KCNB2: variants seen among roughly 807,000 people sequenced by gnomAD.
KCNB2 encodes the protein delayed rectifier potassium channel protein.
Under a neutral mutation model 61.5 loss-of-function variants are expected in KCNB2, and 15 were observed. That is an observed-to-expected ratio of 0.24 (90% CI 0.16 to 0.38). The LOEUF (loss-of-function observed/expected upper bound fraction) is 0.38, where lower values mean the gene tolerates loss of function less well. Ranked by LOEUF, KCNB2 falls within the 10% of genes least tolerant of loss-of-function variation. KCNB2 has a pLI of 1.00. For synonymous variants in KCNB2, 457 were observed against 446.0 expected (o/e 1.02, Z -0.31); for missense variants, 828 against 1,125.2 (o/e 0.74, Z 3.78).
At chr8:72,813,258 A>G (rs58531179) in intron 2 of KCNB2, among the ~76,000 whole-genome samples, 1 of 152,180 alleles carries the variant, frequency 6.6e-6, no homozygotes, top group Admixed American at 6.5e-5. Context: ...CAAAAGCCCA[A>G]ATGAAGTTAT....
intron 2 of KCNB2, among the ~76,000 whole-genome samples, chr8:72,662,428 C>A (rs1806396616): frequency 6.6e-6 from 1 of 152,120 alleles, no homozygotes; most frequent in Admixed American, 6.5e-5. Context: ...CACGAAATAC[C>A]TAGGTAATGA....
chr8:72,606,063 T>A (rs1805442388), intron 2 of KCNB2, among the ~76,000 whole-genome samples: 1 of 152,170 alleles, frequency 6.6e-6, no homozygotes, highest in African/African-American at 2.4e-5. Context: ...TCAAAGCTGG[T>A]GAGTATACAG....
Position 72,773,187 on chromosome 8 carries a change from G to A in KCNB2, c.580-162748G>A, listed in dbSNP as rs529052426. ...GACAGCACTGCTTAGCATCTGTCGT[G>A]TGAATTATTTGATAGATGAGAATCA... On this transcript the variant is annotated intron_variant, in intron 2 of 2. Coordinates refer to ENST00000523207, the MANE Select transcript of KCNB2 (RefSeq NM_004770.3). Among the ~76,000 whole-genome samples the A allele has an allele frequency of 9.8e-4, 150 of 152,288 alleles. 1 individual carries two copies. The highest frequency in any genetic ancestry group is 1.5e-3 in the Non-Finnish European group (103 of 68,032).
chr8:72,701,684 A>G (rs1433772589), intron 2 of KCNB2, among the ~76,000 whole-genome samples: 1 of 152,208 alleles, frequency 6.6e-6, no homozygotes, highest in African/African-American at 2.4e-5. Context: ...GCATGAGTTC[A>G]AGTGTACAGA....
intron 2 of KCNB2, among the ~76,000 whole-genome samples, chr8:72,735,949 T>C (rs898208088): frequency 1.3e-5 from 2 of 152,174 alleles, no homozygotes; most frequent in African/African-American, 4.8e-5. Flanking sequence ...GACAAGTTGT[T>C]TGATGATTGC....
chr8:72,796,045 A>C (rs1432219260), intron 2 of KCNB2, among the ~76,000 whole-genome samples: 1 of 152,186 alleles, frequency 6.6e-6, no homozygotes, highest in Non-Finnish European at 1.5e-5. Flanking sequence ...CAATAAAGTA[A>C]AGCTCCTTTC....
intron 2 of KCNB2, among the ~76,000 whole-genome samples, chr8:72,594,030 A>G (rs894512788): frequency 1.2e-4 from 18 of 152,208 alleles, no homozygotes; most frequent in African/African-American, 4.1e-4. Context: ...ATATTATGCT[A>G]GATACCGTAA....
chr8:72,859,204 T>C (rs1810254952), intron 2 of KCNB2, among the ~76,000 whole-genome samples: 1 of 152,130 alleles, frequency 6.6e-6, no homozygotes, highest in African/African-American at 2.4e-5. Context: ...CTGTGGTTAT[T>C]GGCATCTCAC....
intron 2 of KCNB2, among the ~76,000 whole-genome samples, chr8:72,713,352 A>G (rs906362058): frequency 3.9e-5 from 6 of 152,234 alleles, no homozygotes; most frequent in Admixed American, 6.5e-5. Flanking sequence ...GAGAACGGGC[A>G]GACTGCCTCT....
chr8:72,658,629 A>G (rs1036747858), intron 2 of KCNB2, among the ~76,000 whole-genome samples: 1 of 152,152 alleles, frequency 6.6e-6, no homozygotes, highest in African/African-American at 2.4e-5. Flanking sequence ...GGAGTTTGAT[A>G]ATTAGAGAGG....
intron 2 of KCNB2, among the ~76,000 whole-genome samples, chr8:72,924,454 C>T (rs78151492): frequency 0.052 from 7,861 of 152,210 alleles, 310 homozygotes; most frequent in Non-Finnish European, 0.08. Context: ...TGCTAAAATG[C>T]AGATTCTGAT....
chr8:72,626,257 A>T (rs1360719034), intron 2 of KCNB2, among the ~76,000 whole-genome samples: 4 of 152,228 alleles, frequency 2.6e-5, no homozygotes, highest in African/African-American at 9.6e-5. Context: ...CACAGGCCAC[A>T]GTCCACCCTA....
At chr8:72,549,830 C>T (rs938886063) in intron 1 of KCNB2, among the ~76,000 whole-genome samples, 1 of 152,108 alleles carries the variant, frequency 6.6e-6, no homozygotes, top group African/African-American at 2.4e-5. Flanking sequence ...ATAGTGCCCT[C>T]ATATATAAAA....
intron 2 of KCNB2, among the ~76,000 whole-genome samples, chr8:72,929,149 G>C (rs73687026): frequency 1.3e-5 from 2 of 152,050 alleles, no homozygotes; most frequent in Non-Finnish European, 2.9e-5. Context: ...CAGAGGGACC[G>C]GGCTTGTGCA....
chr8:72,854,897 G>A (rs1263065638), intron 2 of KCNB2, among the ~76,000 whole-genome samples: 1 of 152,160 alleles, frequency 6.6e-6, no homozygotes, highest in Non-Finnish European at 1.5e-5. Context: ...GACAAGCTAT[G>A]AGCAGAATTG....
chr8:72,841,595 C>A (rs181263053), intron 2 of KCNB2, among the ~76,000 whole-genome samples: 1 of 149,664 alleles, frequency 6.7e-6, no homozygotes, highest in Admixed American at 6.6e-5. Flanking sequence ...TGTTTGTGTC[C>A]TCTCTTATTT....
At chr8:72,932,373 GC>G (rs1806803544) in intron 2 of KCNB2, among the ~76,000 whole-genome samples, 1 of 152,184 alleles carries the variant, frequency 6.6e-6, no homozygotes, top group African/African-American at 2.4e-5. Context: ...TTCCTCTGGA[GC>G]CTCAGTAAAT....
At chr8:72,832,508 A>G (rs1809715593) in intron 2 of KCNB2, among the ~76,000 whole-genome samples, 1 of 152,208 alleles carries the variant, frequency 6.6e-6, no homozygotes, top group Non-Finnish European at 1.5e-5. Flanking sequence ...AGTGGATGCC[A>G]GGGAAAATAG....
At chr8:72,716,365 A>G (rs1486205266) in intron 2 of KCNB2, among the ~76,000 whole-genome samples, 3 of 152,194 alleles carry the variant, frequency 2.0e-5, no homozygotes, top group African/African-American at 7.2e-5. Flanking sequence ...ACAAAAAAAG[A>G]GAATTTTAGA....
Sources: gnomAD v4.1 joint callset for allele counts (sites outside exome capture counted in the v4.1 genomes callset) on GRCh38, gnomAD v4.1.1 for gene constraint, MANE v1.5 for transcripts, NCBI Gene and HGNC (gene_info 2026-07-23, HGNC 2026-07-21) for gene names.